Variants in DOCK2 observed in about 807,000 individuals in gnomAD.
The protein encoded by DOCK2 is dedicator of cytokinesis 2, also known as dedicator of cytokinesis protein 2.
DOCK2 carries 87 observed loss-of-function variants against 248.9 expected under a neutral mutation model. That is an observed-to-expected ratio of 0.35 (90% CI 0.29 to 0.42). The LOEUF (loss-of-function observed/expected upper bound fraction) is 0.42, where lower values mean the gene tolerates loss of function less well. Ranked by LOEUF, DOCK2 falls within the 10% of genes least tolerant of loss-of-function variation. The pLI is 1.00. For missense variants in DOCK2, 1,747 were observed against 2,300.2 expected, an observed-to-expected ratio of 0.76 and a Z score of 4.92; for synonymous variants, 805 against 821.6, an observed-to-expected ratio of 0.98 and a Z score of 0.35.
intron 25 of DOCK2, among the ~76,000 whole-genome samples, chr5:169,767,755 G>A (rs1764871488): frequency 6.6e-6 from 1 of 152,180 alleles, no homozygotes; most frequent in Non-Finnish European, 1.5e-5. Context: ...GCAACTTAAA[G>A]GGAGAGACTT....
chr5:169,863,525 T>C (rs1197995117), intron 27 of DOCK2, among the ~76,000 whole-genome samples: 1 of 152,200 alleles, frequency 6.6e-6, no homozygotes, highest in Non-Finnish European at 1.5e-5. Context: ...AGAAGCATGA[T>C]GGTTTAGGGT....
At chr5:169,669,398 C>A in intron 3 of DOCK2, 70 bp downstream of exon 3, 1 of 1,542,274 alleles carries the variant, frequency 6.5e-7, no homozygotes. Context: ...CCCATCTGAG[C>A]AGGTCTCTCC....
chr5:169,668,177 T>A (rs1201446715), intron 2 of DOCK2, among the ~76,000 whole-genome samples: 1 of 152,212 alleles, frequency 6.6e-6, no homozygotes, highest in East Asian at 1.9e-4. Context: ...CTTCATGCGG[T>A]TGTTATGAAT....
At chr5:169,885,763 A>G (rs887566515) in intron 27 of DOCK2, among the ~76,000 whole-genome samples, 2 of 152,224 alleles carry the variant, frequency 1.3e-5, no homozygotes, top group Admixed American at 6.5e-5. Context: ...GGTAGATAAT[A>G]TTTTTGTCCC....
At chr5:170,036,637 A>C in intron 36 of DOCK2, 82 bp downstream of exon 36, 2 of 1,373,310 alleles carry the variant, frequency 1.5e-6, no homozygotes, top group Non-Finnish European at 2.0e-6. Flanking sequence ...TGCTGCCTTC[A>C]GGATAAAATT....
At chr5:169,811,318 C>T (rs1767738830) in intron 26 of DOCK2, among the ~76,000 whole-genome samples, 1 of 152,198 alleles carries the variant, frequency 6.6e-6, no homozygotes, top group Non-Finnish European at 1.5e-5. Context: ...GGGAGGCTGC[C>T]ACTGCCTCTT....
At chr5:169,645,169 TTGCTGGGCC>T (rs1757386677) in intron 1 of DOCK2, among the ~76,000 whole-genome samples, 1 of 152,226 alleles carries the variant, frequency 6.6e-6, no homozygotes, top group African/African-American at 2.4e-5. Context: ...AGTAATGGGA[TTGCTGGGCC>T]AAATGGTATT....
intron 27 of DOCK2, among the ~76,000 whole-genome samples, chr5:169,931,835 G>T (rs1232874914): frequency 6.6e-6 from 1 of 152,208 alleles, no homozygotes; most frequent in Non-Finnish European, 1.5e-5. Flanking sequence ...TTCCTCCAGG[G>T]ATCATAGCCT....
In DOCK2 at chr5:170,041,075, A is replaced by G. The variant is rs750359367; in HGVS notation, c.3686A>G (p.Asp1229Gly). The change falls in exon 37 of 52, where the codon GAT becomes GGT. Residue 1229 changes from aspartate (D) to glycine (G), a missense_variant. By Grantham distance (94) the Asp-to-Gly change is moderately conservative. Transcript: ENST00000520908. ...MYIRYLYKLR[D>G]LHLDCDNYTE... ...AACAGGTACCTGTACAAACTCCGCG[A>G]TCTTCACCTGGACTGTGACAATTAC... The G allele has an allele frequency of 6.2e-7, 1 of 1,613,922 alleles. No individual in the cohort carries two copies. The highest frequency in any genetic ancestry group is 1.1e-5 in the South Asian group (1 of 91,078).
At chr5:170,045,211 C>G (rs1756659226) in intron 38 of DOCK2, among the ~76,000 whole-genome samples, 1 of 152,142 alleles carries the variant, frequency 6.6e-6, no homozygotes, top group African/African-American at 2.4e-5. Flanking sequence ...GTAGAAGAAT[C>G]CCAGGACTGC....
intron 27 of DOCK2, among the ~76,000 whole-genome samples, chr5:169,972,542 C>CAGATAGATAGATAGAT (rs143089504): frequency 7.8e-5 from 11 of 141,328 alleles, no homozygotes; most frequent in Admixed American, 1.4e-4. Context: ...CACTGTGAGA[C>CAGATAGATAGATAGAT]AGATAGATAG....
At chr5:169,685,266 T>C (rs1234845279) in intron 8 of DOCK2, among the ~76,000 whole-genome samples, 2 of 152,192 alleles carry the variant, frequency 1.3e-5, no homozygotes, top group Non-Finnish European at 2.9e-5. Flanking sequence ...AAGTTGTTCT[T>C]GGGAATGGAG....
intron 22 of DOCK2, among the ~76,000 whole-genome samples, chr5:169,731,068 G>A (rs927846637): frequency 6.6e-6 from 1 of 152,044 alleles, no homozygotes; most frequent in African/African-American, 2.4e-5. Flanking sequence ...CAGTCTCACT[G>A]TGTTGCTGAG....
chr5:170,043,162 G>A (rs1296861963), intron 38 of DOCK2, among the ~76,000 whole-genome samples: 2 of 152,140 alleles, frequency 1.3e-5, no homozygotes, highest in South Asian at 2.1e-4. Flanking sequence ...TTGCTCGGTG[G>A]CCACATGCTC....
chr5:169,823,498 A>G (rs1403830531), intron 26 of DOCK2, among the ~76,000 whole-genome samples: 1 of 152,220 alleles, frequency 6.6e-6, no homozygotes. Context: ...TCCAGCATAT[A>G]AACAGAACCA....
rs1343068833 is a variant in DOCK2, at chr5:169,714,083, G to A, written c.1715G>A (p.Arg572Gln). The change falls in exon 18 of 52, where the codon CGA becomes CAA. Residue 572 changes from arginine to glutamine, a missense_variant. Physicochemically the swap from Arg to Gln is conservative, Grantham distance 43 (BLOSUM62 1). Coordinates refer to ENST00000520908, the MANE Select transcript of DOCK2 (RefSeq NM_004946.3). ...ASAYLTLPSY[R>Q]HHVENKGATL... ...GCATACCTGACCCTTCCTTCTTATC[G>A]ACACCATGTGGAAAACAAGGGGGCC... The A allele has an allele frequency of 3.1e-6, 5 of 1,613,318 alleles. No individual in the cohort carries two copies. Among genetic ancestry groups the A allele is most frequent in the African/African-American group, 1.3e-5 (1 of 74,860 alleles).
intron 22 of DOCK2, among the ~76,000 whole-genome samples, chr5:169,742,966 T>C (rs890370072): frequency 2.0e-5 from 3 of 152,234 alleles, no homozygotes; most frequent in African/African-American, 7.2e-5. Context: ...ATTTGTTCCC[T>C]GGCAAAATCT....
At chr5:169,867,935 C>G (rs1771695685) in intron 27 of DOCK2, among the ~76,000 whole-genome samples, 1 of 152,164 alleles carries the variant, frequency 6.6e-6, no homozygotes, top group Non-Finnish European at 1.5e-5. Context: ...TCTCGCCCCT[C>G]TAGCACCAGG....
At position 169,782,901 on chromosome 5, in the gene DOCK2, G is replaced by A. The variant is rs560561799; in HGVS notation, c.2555-20157G>A. Reference sequence around the variant, plus strand: ...GGAGCCACATTTTTGATGAAGAGAGGCAATGTTTAGAACAGGTTTTCCAAT... The same window carrying A: ...GGAGCCACATTTTTGATGAAGAGAGACAATGTTTAGAACAGGTTTTCCAAT... On this transcript the variant is annotated intron_variant, in intron 25 of 51. Coordinates refer to ENST00000520908, the MANE Select transcript of DOCK2 (RefSeq NM_004946.3). 2.6e-5 allele frequency among the ~76,000 whole-genome samples: 4 copies of A among 152,298 alleles called. No homozygotes were observed. In the South Asian group the frequency reaches 6.2e-4, roughly 24 times the overall value.
Sources: allele counts gnomAD v4.1 joint callset (sites outside exome capture counted in the v4.1 genomes callset), GRCh38; gene constraint gnomAD v4.1.1; transcripts MANE v1.5; gene names NCBI Gene and HGNC (gene_info 2026-07-23, HGNC 2026-07-21).